Variants in SCML1 observed in about 807,000 individuals in gnomAD.
The protein encoded by SCML1 is sex comb on midleg-like protein 1.
For synonymous variants in SCML1, 104 were observed against 103.6 expected, an observed-to-expected ratio of 1.00 and a Z score of -0.02; for missense variants, 137 against 258.1, an observed-to-expected ratio of 0.53 and a Z score of 3.22.
intron 6 of SCML1, among the ~76,000 whole-genome samples, chrX:17,751,445 G>A (rs1038133800): frequency 6.2e-5 from 7 of 112,354 alleles, no homozygotes; most frequent in African/African-American, 2.3e-4. Context: ...TACTTGAAGA[G>A]AGTCATAGGT....
chrX:17,741,992 A>G (rs1431858425), intron 1 of SCML1, among the ~76,000 whole-genome samples: 1 of 112,327 alleles, frequency 8.9e-6, no homozygotes, highest in Non-Finnish European at 1.9e-5. Context: ...TTTTGCTAAA[A>G]ATTCTGTAAT....
chrX:17,753,060 G>T (rs1244980518), intron 7 of SCML1, among the ~76,000 whole-genome samples, 198 bp from the exon 8 acceptor site: 1 of 109,678 alleles, frequency 9.1e-6, no homozygotes, highest in Non-Finnish European at 1.9e-5. Context: ...CTTGAAATGA[G>T]TTTATACATT....
intron 1 of SCML1, among the ~76,000 whole-genome samples, chrX:17,738,517 G>T (rs1307544926): frequency 1.8e-5 from 2 of 112,368 alleles, no homozygotes; most frequent in African/African-American, 3.2e-5. Flanking sequence ...GCGATGGGAT[G>T]CGGTTCTGGC....
At chrX:17,750,398 T>A (rs955005274) in intron 6 of SCML1, 105 bp downstream of exon 6, 123 of 863,498 alleles carry the variant, frequency 1.4e-4, no homozygotes, top group Admixed American at 8.2e-5. Flanking sequence ...CTGCTTCCCT[T>A]CTGGTTTGGT....
Position 17,744,228 on chromosome X carries a change from T to C in SCML1, c.33+9T>C. On this transcript the variant is annotated intron_variant, in intron 2 of 7. Transcript: ENST00000380041. ...CCAGTGAAATCGATGTGGTTTGTAT[T>C]CAAATTGAAAATCTGTCTTTGTTCT... is the stretch of plus-strand genomic sequence containing the variant. 1 of 1,192,234 alleles carries C rather than the reference T, an allele frequency of 8.4e-7. No individual in the cohort carries two copies. The highest frequency in any genetic ancestry group is 2.2e-5 in the Admixed American group (1 of 45,904).
At chrX:17,749,594 CTG>C in intron 5 of SCML1, 90 bp downstream of exon 5, 1 of 577,565 alleles carries the variant, frequency 1.7e-6, no homozygotes, top group Non-Finnish European at 2.8e-6. Flanking sequence ...GTACCAGTAT[CTG>C]TGTGAGATTA....
chrX:17,753,180 T>C, intron 7 of SCML1, 78 bp from the exon 8 acceptor site: 8 of 861,849 alleles, frequency 9.3e-6, no homozygotes, highest in Non-Finnish European at 1.3e-5. Context: ...TTGCTTTACA[T>C]GTTCTCATAA....
intron 4 of SCML1, among the ~76,000 whole-genome samples, chrX:17,746,710 A>C (rs1465572468): frequency 8.9e-6 from 1 of 112,439 alleles, no homozygotes; most frequent in Non-Finnish European, 1.9e-5. Flanking sequence ...GGAGGAGAAC[A>C]GAAGTGGAGT....
intron 1 of SCML1, among the ~76,000 whole-genome samples, chrX:17,740,901 A>G (rs975225481): frequency 8.0e-5 from 9 of 112,357 alleles, no homozygotes; most frequent in Non-Finnish European, 1.5e-4. Context: ...CCAGAGATGT[A>G]AACATGTTGG....
At chrX:17,737,158 C>T (rs183080225), upstream of SCML1, among the ~76,000 whole-genome samples, 1,509 of 111,235 alleles carry the variant, frequency 0.014, 12 homozygotes, top group Non-Finnish European at 0.022. Context: ...AAAGGCCTAA[C>T]GTCCATTTTC....
At chrX:17,737,907 A>G (rs2066554063) in intron 1 of SCML1, 1 of 111,640 alleles carries the variant, frequency 9.0e-6, no homozygotes, top group Non-Finnish European at 1.9e-5. Flanking sequence ...AGATTTGACA[A>G]TTTGTGAAGT....
At chrX:17,744,459 G>A in intron 2 of SCML1, 1 of 284,255 alleles carries the variant, frequency 3.5e-6, no homozygotes, top group Non-Finnish European at 6.1e-6. Flanking sequence ...TGGAGTTCAT[G>A]TGAATTTAAC....
At chrX:17,752,864 C>T (rs905455656) in intron 7 of SCML1, among the ~76,000 whole-genome samples, 2 of 111,469 alleles carry the variant, frequency 1.8e-5, no homozygotes, top group Admixed American at 9.5e-5. Context: ...CTGATGTTGA[C>T]GTACTCATCT....
intron 1 of SCML1, among the ~76,000 whole-genome samples, chrX:17,742,381 T>C (rs1245943384): frequency 2.7e-5 from 3 of 112,137 alleles, no homozygotes; most frequent in Non-Finnish European, 5.6e-5. Context: ...AATGTTGTTG[T>C]TTATAATCAG....
rs2066590821 is a variant in SCML1, at chrX:17,741,094, C to T, written c.-116-2977C>T. ...AATATTTTAGGCTTAGAACTGCTGTCCCCAGTCTTTTTGGCACCAGGAACC... is the reference window on the plus strand; with the variant it reads ...AATATTTTAGGCTTAGAACTGCTGTTCCCAGTCTTTTTGGCACCAGGAACC... On this transcript the variant is annotated intron_variant, in intron 1 of 7. Coordinates refer to ENST00000380041, the MANE Select transcript of SCML1 (RefSeq NM_001037540.3). Among the ~76,000 whole-genome samples the T allele has an allele frequency of 2.7e-5, 3 of 112,176 alleles. No homozygotes were observed. In the South Asian group the frequency reaches 1.1e-3, roughly 42 times the overall value.
At chrX:17,745,857 A>G (rs2066637928) in intron 3 of SCML1, 161 bp from the exon 4 acceptor site, 3 of 342,672 alleles carry the variant, frequency 8.8e-6, no homozygotes, top group Non-Finnish European at 1.5e-5. Context: ...ATTAATGTGA[A>G]TTTTAAAAAT....
intron 7 of SCML1, among the ~76,000 whole-genome samples, chrX:17,752,203 T>G (rs1375456211): frequency 8.9e-6 from 1 of 111,932 alleles, no homozygotes; most frequent in East Asian, 2.8e-4. Flanking sequence ...GACATGATGA[T>G]TCAGCATGGC....
At chrX:17,740,776 C>T (rs887373761) in intron 1 of SCML1, among the ~76,000 whole-genome samples, 1 of 112,271 alleles carries the variant, frequency 8.9e-6, no homozygotes, top group Admixed American at 9.4e-5. Context: ...TTGAAGTAAG[C>T]CTTGAAGTTG....
chrX:17,739,153 GA>G (rs1376005288), intron 1 of SCML1, among the ~76,000 whole-genome samples: 3 of 111,502 alleles, frequency 2.7e-5, no homozygotes, highest in Non-Finnish European at 3.8e-5. Flanking sequence ...AAGTGAAAAG[GA>G]ATTAAGGTAT....
Sources: allele counts gnomAD v4.1 joint callset (sites outside exome capture counted in the v4.1 genomes callset), GRCh38; gene constraint gnomAD v4.1.1; transcripts MANE v1.5; gene names NCBI Gene and HGNC (gene_info 2026-07-23, HGNC 2026-07-21).